The following FRRS1L variants were observed in gnomAD, a reference collection of about 807,000 sequenced individuals.
The protein encoded by FRRS1L is ferric chelate reductase 1 like.
FRRS1L carries 22 observed loss-of-function variants against 28.6 expected under a neutral mutation model. That is an observed-to-expected ratio of 0.77 (90% confidence interval 0.55 to 1.10). FRRS1L has a LOEUF of 1.10. Ranked by LOEUF, FRRS1L falls within the 50% of genes least tolerant of loss-of-function variation. FRRS1L has a pLI of 0.00. For missense variants in FRRS1L, 380 were observed against 386.9 expected (o/e 0.98, Z 0.15); for synonymous variants, 158 against 151.4 (o/e 1.04, Z -0.32).
chr9:109,143,215 T>C (rs1008569637), intron 3 of FRRS1L, among the ~76,000 whole-genome samples: 1 of 151,932 alleles, frequency 6.6e-6, no homozygotes, highest in Admixed American at 6.6e-5. Flanking sequence ...CTTGGGAGGC[T>C]GAGGCAGGAG....
Position 109,143,230 on chromosome 9 carries a change from G to A in FRRS1L, c.463-1641C>T, listed in dbSNP as rs189936872. Among the ~76,000 whole-genome samples, 433 of 152,018 alleles carry A rather than the reference G, an allele frequency of 2.8e-3. 1 individual carries two copies. Among genetic ancestry groups the A allele is most frequent in the Middle Eastern group, 6.8e-3 (2 of 294 alleles). On this transcript the variant is annotated intron_variant, in intron 3 of 4. Coordinates refer to ENST00000561981, the MANE Select transcript of FRRS1L (RefSeq NM_014334.4). ...CTTGGGAGGCTGAGGCAGGAGAGTCGCTTGAACCTGAGAGGTGGAGGCTGC... is the reference window on the plus strand; with the variant it reads ...CTTGGGAGGCTGAGGCAGGAGAGTCACTTGAACCTGAGAGGTGGAGGCTGC...
At chr9:109,149,114 T>C (rs989554062) in intron 2 of FRRS1L, among the ~76,000 whole-genome samples, 2 of 152,208 alleles carry the variant, frequency 1.3e-5, no homozygotes, top group African/African-American at 2.4e-5. Flanking sequence ...ATTGTCCACA[T>C]GACTGTTTTC....
chr9:109,163,308 C>T (rs982587011), intron 1 of FRRS1L, among the ~76,000 whole-genome samples: 3 of 152,030 alleles, frequency 2.0e-5, no homozygotes, highest in African/African-American at 7.2e-5. Flanking sequence ...GAACTCCTGA[C>T]CATAGACAGC....
chr9:109,164,688 G>A (rs557041081), intron 1 of FRRS1L, among the ~76,000 whole-genome samples: 4 of 152,294 alleles, frequency 2.6e-5, no homozygotes, highest in Non-Finnish European at 4.4e-5. Flanking sequence ...GAAGCACCAC[G>A]CCCGGCCCCA....
Position 109,136,103 on chromosome 9 carries a change from A to T in FRRS1L, c.*1352T>A, listed in dbSNP as rs564741478. The T allele has an allele frequency of 6.6e-6, 1 of 151,986 alleles. No individual in the cohort carries two copies. The highest frequency in any genetic ancestry group is 1.5e-5 in the Non-Finnish European group (1 of 68,038). The allele number at this position is 151,986 out of a possible 1,614,324, so 9.4% of individuals were successfully genotyped here. ...AAAAATTAGCCAGGCATAGTGGCACATGCCTGTAATCCCATCTACTCAGGA... is the reference window on the plus strand; with the variant it reads ...AAAAATTAGCCAGGCATAGTGGCACTTGCCTGTAATCCCATCTACTCAGGA... On this transcript the variant is annotated 3_prime_UTR_variant, in exon 5 of 5. Coordinates refer to ENST00000561981, the MANE Select transcript of FRRS1L (RefSeq NM_014334.4).
chr9:109,162,119 C>T (rs777047101), intron 1 of FRRS1L, among the ~76,000 whole-genome samples: 2 of 152,200 alleles, frequency 1.3e-5, no homozygotes, highest in Non-Finnish European at 2.9e-5. Context: ...AGTTCAAGAT[C>T]AGCCCGGTCA....
chr9:109,166,938 C>G lies in FRRS1L; in HGVS notation c.201G>C (p.Ala67=), dbSNP rs1248292885. The stretch of plus-strand genomic sequence containing the variant: ...GGTAGCGCAGGTCGTAGAACTCCCC[C>G]GCGAAGGTGCCGTAGGAGGAGTCGT... ...PRHDSSYGTF[A]GEFYDLRYLS... The change falls in exon 1 of 5, where the codon GCG becomes GCC. Residue 67 remains alanine, a synonymous_variant. Transcript: ENST00000561981. The G allele has an allele frequency of 2.2e-6, 3 of 1,375,840 alleles. No individual in the cohort carries two copies. Among genetic ancestry groups the G allele is most frequent in the Non-Finnish European group, 2.8e-6 (3 of 1,056,074 alleles). 85.2% of individuals were successfully genotyped at this position (1,375,840 alleles called of 1,614,324 possible).
Position 109,135,134 on chromosome 9 carries a change from C to T in FRRS1L, c.*2321G>A, listed in dbSNP as rs932456362. ...ACTCCAGGAGAATGTGAAAGCTCTC[C>T]CCACAGGCAGACTTTCACCTGTGAC... On this transcript the variant is annotated 3_prime_UTR_variant, in exon 5 of 5. Coordinates refer to ENST00000561981, the MANE Select transcript of FRRS1L (RefSeq NM_014334.4). The T allele has an allele frequency of 1.3e-5, 2 of 152,130 alleles. No individual in the cohort carries two copies. The highest frequency in any genetic ancestry group is 2.4e-5 in the African/African-American group (1 of 41,418). 9.4% of individuals were successfully genotyped at this position (152,130 alleles called of 1,614,324 possible). A position where few individuals can be genotyped will look rare whatever the true frequency, so the allele number is the denominator to read the frequency against.
chr9:109,159,936 C>A (rs900788541), intron 1 of FRRS1L, among the ~76,000 whole-genome samples: 2 of 152,194 alleles, frequency 1.3e-5, no homozygotes, highest in African/African-American at 4.8e-5. Context: ...AATCTGTCTA[C>A]ATAGATACAT....
At chr9:109,154,496 A>G (rs955874580) in intron 1 of FRRS1L, among the ~76,000 whole-genome samples, 2 of 152,250 alleles carry the variant, frequency 1.3e-5, no homozygotes, top group Non-Finnish European at 2.9e-5. Flanking sequence ...GAAGGCTAGA[A>G]AATAAAGACA....
intron 3 of FRRS1L, among the ~76,000 whole-genome samples, chr9:109,144,899 G>A: frequency 6.6e-6 from 1 of 152,146 alleles, no homozygotes; most frequent in South Asian, 2.1e-4. Context: ...TGGCCAGGCT[G>A]TTCTCGAACT....
intron 3 of FRRS1L, among the ~76,000 whole-genome samples, chr9:109,142,775 G>T (rs72761808): frequency 0.15 from 22,731 of 151,362 alleles, 1,950 homozygotes; most frequent in African/African-American, 0.18. Flanking sequence ...CCACTGCACT[G>T]CAGCTTGGGC....
rs1831105174 is a variant in FRRS1L at position 109,135,866 on chromosome 9, TAC to T, written c.*1587_*1588del. On this transcript the variant is annotated 3_prime_UTR_variant, in exon 5 of 5. Coordinates refer to ENST00000561981, the MANE Select transcript of FRRS1L (RefSeq NM_014334.4). The stretch of plus-strand genomic sequence containing the variant: ...TAAAAAAAATTCTACTCAAAATCTC[TAC>T]AGTCTCAAAAACTGTTGGCTTATTA... 1 of 152,198 alleles carries T rather than the reference TAC, an allele frequency of 6.6e-6. No individual in the cohort carries two copies. Among genetic ancestry groups the T allele is most frequent in the East Asian group, 1.9e-4 (1 of 5,202 alleles). The allele number at this position is 152,198 out of a possible 1,614,324, so 9.4% of individuals were successfully genotyped here.
chr9:109,156,551 G>C (rs866309036), intron 1 of FRRS1L, among the ~76,000 whole-genome samples: 65 of 152,072 alleles, frequency 4.3e-4, no homozygotes, highest in African/African-American at 1.1e-3. Flanking sequence ...ACCACGCCCG[G>C]CTAATTTTTT....
rs1831044566 is a variant in FRRS1L, at chr9:109,130,407, A to C, written c.*7048T>G. On this transcript the variant is annotated 3_prime_UTR_variant, in exon 5 of 5. Coordinates refer to ENST00000561981, the MANE Select transcript of FRRS1L (RefSeq NM_014334.4). ...TATATTCTGACTAACATAATCATCC[A>C]AAGATAAAAGTATTTGTGATGGCAA... The C allele has an allele frequency of 6.6e-6, 1 of 152,230 alleles. No individual in the cohort carries two copies. Among genetic ancestry groups the C allele is most frequent in the African/African-American group, 2.4e-5 (1 of 41,456 alleles). The allele number at this position is 152,230 out of a possible 1,614,324, so 9.4% of individuals were successfully genotyped here.
chr9:109,143,499 C>T (rs72761809), intron 3 of FRRS1L, among the ~76,000 whole-genome samples: 22,245 of 146,982 alleles, frequency 0.15, 1,906 homozygotes, highest in African/African-American at 0.18. Flanking sequence ...CACACACACA[C>T]GCACACAATA....
chr9:109,163,416 T>C (rs1831503410), intron 1 of FRRS1L, among the ~76,000 whole-genome samples: 1 of 152,190 alleles, frequency 6.6e-6, no homozygotes, highest in Non-Finnish European at 1.5e-5. Flanking sequence ...ACATTTGAGC[T>C]GAGACTGTAA....
intron 2 of FRRS1L, chr9:109,147,892 T>G (rs956520124): frequency 4.6e-5 from 7 of 152,208 alleles, no homozygotes; most frequent in African/African-American, 1.4e-4. Context: ...AAAATCCTTA[T>G]TTATGCGATA....
intron 1 of FRRS1L, among the ~76,000 whole-genome samples, chr9:109,156,038 T>G (rs1351039331): frequency 6.6e-6 from 1 of 152,166 alleles, no homozygotes; most frequent in Non-Finnish European, 1.5e-5. Flanking sequence ...TCCAGTGTCA[T>G]GTACATGATT....
Sources: gnomAD v4.1 joint callset for allele counts (sites outside exome capture counted in the v4.1 genomes callset) on GRCh38, gnomAD v4.1.1 for gene constraint, MANE v1.5 for transcripts, NCBI Gene and HGNC (gene_info 2026-07-23, HGNC 2026-07-21) for gene names.